The following OSBP2 variants were observed in gnomAD, a reference collection of about 807,000 sequenced individuals.
OSBP2 encodes oxysterol binding protein 2.
In OSBP2, 66 loss-of-function variants were observed where a neutral mutation model predicts 96.0. The observed-to-expected ratio is 0.69, with a 90% CI of 0.56 to 0.84. The LOEUF is 0.84. Ranked by LOEUF, OSBP2 falls within the 40% of genes least tolerant of loss-of-function variation. The probability of loss-of-function intolerance (pLI) is 0.00; values close to 1 mark genes in which losing one functional copy is unlikely to be tolerated. For missense variants in OSBP2, 1,038 were observed against 1,222.7 expected (o/e 0.85, Z 2.25); for synonymous variants, 525 against 520.9 (o/e 1.01, Z -0.11).
intron 1 of OSBP2, among the ~76,000 whole-genome samples, chr22:30,738,817 C>T (rs541089278): frequency 6.6e-6 from 1 of 152,330 alleles, no homozygotes; most frequent in Non-Finnish European, 1.5e-5. Flanking sequence ...CTGCCTCCTC[C>T]TCCCAAAGTG....
intron 2 of OSBP2, among the ~76,000 whole-genome samples, chr22:30,798,240 A>T (rs1186684648): frequency 6.6e-6 from 1 of 152,146 alleles, no homozygotes; most frequent in Non-Finnish European, 1.5e-5. Context: ...TCTTTGGATA[A>T]ATGTCTACTA....
chr22:30,747,983 G>A (rs2145750702), intron 2 of OSBP2, among the ~76,000 whole-genome samples: 1 of 149,922 alleles, frequency 6.7e-6, no homozygotes, highest in East Asian at 2.0e-4. Flanking sequence ...CTGGGTTCAA[G>A]TGATTCTCCT....
chr22:30,726,399 A>G (rs2089651014), intron 1 of OSBP2, among the ~76,000 whole-genome samples: 1 of 152,148 alleles, frequency 6.6e-6, no homozygotes, highest in Non-Finnish European at 1.5e-5. Flanking sequence ...AACTAAACAC[A>G]TATTCTCACT....
chr22:30,875,680 G>A (rs925712020), intron 3 of OSBP2, among the ~76,000 whole-genome samples: 2 of 152,166 alleles, frequency 1.3e-5, no homozygotes, highest in Non-Finnish European at 2.9e-5. Flanking sequence ...CCCTGGCAGG[G>A]TTCTTTCTAG....
At chr22:30,899,042 A>G (rs1424542757) in intron 12 of OSBP2, among the ~76,000 whole-genome samples, 2 of 152,104 alleles carry the variant, frequency 1.3e-5, no homozygotes, top group Non-Finnish European at 2.9e-5. Context: ...TAAAGACATA[A>G]TTAAAACTTA....
chr22:30,848,133 A>G (rs2038909210), intron 2 of OSBP2, among the ~76,000 whole-genome samples: 1 of 152,132 alleles, frequency 6.6e-6, no homozygotes, highest in Non-Finnish European at 1.5e-5. Context: ...ATATTCTGTT[A>G]TATTCATGTT....
intron 12 of OSBP2, 135 bp downstream of exon 12, chr22:30,894,136 G>T (rs575504691): frequency 3.0e-6 from 2 of 676,644 alleles, no homozygotes; most frequent in South Asian, 1.9e-5. Context: ...TTATGCAGCC[G>T]ACATCCCAGT....
chr22:30,802,270 G>A (rs2090860406), intron 2 of OSBP2, among the ~76,000 whole-genome samples: 1 of 152,210 alleles, frequency 6.6e-6, no homozygotes, highest in Middle Eastern at 3.2e-3. Context: ...AATAGAATGT[G>A]GAAGCGGTTC....
At chr22:30,723,814 C>T (rs1045708432) in intron 1 of OSBP2, among the ~76,000 whole-genome samples, 3 of 152,206 alleles carry the variant, frequency 2.0e-5, no homozygotes, top group Non-Finnish European at 4.4e-5. Context: ...TCTCCCGACA[C>T]AGGCATATCG....
intron 12 of OSBP2, 164 bp downstream of exon 12, chr22:30,894,165 C>G: frequency 1.6e-6 from 1 of 619,260 alleles, no homozygotes; most frequent in Non-Finnish European, 2.8e-6. Flanking sequence ...AGACACCGAA[C>G]AGTAAATAAA....
At chr22:30,817,341 GGCCCCA>G (rs1258773590) in intron 2 of OSBP2, among the ~76,000 whole-genome samples, 1 of 152,204 alleles carries the variant, frequency 6.6e-6, no homozygotes, top group African/African-American at 2.4e-5. Flanking sequence ...CTCCCCTGTG[GGCCCCA>G]GCCCCTCATT....
rs145857852 is a variant in OSBP2 at position 30,745,335 on chromosome 22, C to G, written c.853+3966C>G. Among the ~76,000 whole-genome samples, 482 of 152,078 alleles carry G rather than the reference C, an allele frequency of 3.2e-3. 3 individuals are homozygous for G. Among genetic ancestry groups the G allele is most frequent in the African/African-American group, 0.011 (466 of 41,474 alleles). The stretch of plus-strand genomic sequence containing the variant: ...GGAAGTAGGTAAAGAACAAACTAAA[C>G]TCAAAGCTAGCAGAGGGAAGGAAAC... On this transcript the variant is annotated intron_variant, in intron 2 of 13. Transcript: ENST00000332585.
chr22:30,905,526 T>C (rs2040312256), intron 12 of OSBP2, among the ~76,000 whole-genome samples: 2 of 151,686 alleles, frequency 1.3e-5, no homozygotes. Context: ...AAAAAAAACA[T>C]AATAGAAAAG....
At position 30,871,469 on chromosome 22, in the gene OSBP2, G is replaced by T. The variant is rs536515880; in HGVS notation, c.1107+787G>T. On this transcript the variant is annotated intron_variant, in intron 3 of 13. Transcript: ENST00000332585. This position sits in a 1 kb window ranked among gnomAD's most constrained non-coding sequence, Gnocchi z 4.7. ...TCCTCCCAGGACAGTCCCCCAGGGC[G>T]GCACATCTGGGCCAGGGGTGCAGTT... Among the ~76,000 whole-genome samples, 1 of 152,226 alleles carries T rather than the reference G, an allele frequency of 6.6e-6. No individual in the cohort carries two copies. Among genetic ancestry groups the T allele is most frequent in the African/African-American group, 2.4e-5 (1 of 41,460 alleles).
intron 2 of OSBP2, among the ~76,000 whole-genome samples, chr22:30,748,237 A>T (rs150979100): frequency 1.3e-4 from 20 of 151,916 alleles, no homozygotes; most frequent in Non-Finnish European, 2.6e-4. Flanking sequence ...GCTGGAGTGC[A>T]GTGGCGCGAT....
chr22:30,870,293 C>G lies in OSBP2; in HGVS notation c.854-136C>G. Reference sequence around the variant, plus strand: ...GCAGGCACCTCACCCCGGCCAGGAACAGGAACGGGCACCATCTCGGGGACT... The same window carrying G: ...GCAGGCACCTCACCCCGGCCAGGAAGAGGAACGGGCACCATCTCGGGGACT... On this transcript the variant is annotated intron_variant, in intron 2 of 13. Coordinates refer to ENST00000332585, the MANE Select transcript of OSBP2 (RefSeq NM_030758.4). This position sits in a 1 kb window ranked among gnomAD's most constrained non-coding sequence, Gnocchi z 4.1. 2 of 928,730 alleles carry G rather than the reference C, an allele frequency of 2.2e-6. No individual in the cohort carries two copies. 57.5% of individuals were successfully genotyped at this position (928,730 alleles called of 1,614,324 possible). A position where few individuals can be genotyped will look rare whatever the true frequency, so the allele number is the denominator to read the frequency against.
At chr22:30,793,704 T>TA (rs2090713266) in intron 2 of OSBP2, among the ~76,000 whole-genome samples, 1 of 151,960 alleles carries the variant, frequency 6.6e-6, no homozygotes, top group Admixed American at 6.6e-5. Flanking sequence ...AATAAAAAAA[T>TA]AAAAAATTAG....
intron 2 of OSBP2, among the ~76,000 whole-genome samples, chr22:30,821,511 C>T (rs536556211): frequency 3.3e-5 from 5 of 151,950 alleles, no homozygotes; most frequent in Admixed American, 6.6e-5. Context: ...GTTTCTGACC[C>T]GAATGATGTC....
chr22:30,730,758 CTCTCTCTCTCTCTCTCTA>C lies in OSBP2; in HGVS notation c.645-10401_645-10384del, dbSNP rs1412960057. Among the ~76,000 whole-genome samples the C allele has an allele frequency of 4.4e-3, 187 of 42,800 alleles. 1 individual carries two copies. Among genetic ancestry groups the C allele is most frequent in the East Asian group, 0.029 (43 of 1,494 alleles). 28.1% of individuals were successfully genotyped at this position (42,800 alleles called of 152,430 possible). A position where few individuals can be genotyped will look rare whatever the true frequency, so the allele number is the denominator to read the frequency against. On this transcript the variant is annotated intron_variant, in intron 1 of 13. Transcript: ENST00000332585. ...TCTCTCTCTCTCTCTCTCTCTCTCT[CTCTCTCTCTCTCTCTCTA>C]TATATATATATATATATATATATAT...
Sources: gnomAD v4.1 joint callset for allele counts (sites outside exome capture counted in the v4.1 genomes callset) on GRCh38, gnomAD v4.1.1 for gene constraint, Gnocchi (gnomAD v3.1) non-coding constraint, MANE v1.5 for transcripts, NCBI Gene and HGNC (gene_info 2026-07-23, HGNC 2026-07-21) for gene names.